EPS15: variants seen among roughly 807,000 people sequenced by gnomAD.
EPS15 encodes epidermal growth factor receptor substrate 15.
In EPS15, 72 loss-of-function variants were observed where a neutral mutation model predicts 113.8. The ratio of observed to expected loss-of-function variants is 0.63; its 90% CI spans 0.52 to 0.77. The LOEUF is 0.77. EPS15 is among the 30% of genes least tolerant of loss of function. EPS15 has a pLI of 0.00. For synonymous variants in EPS15, 344 were observed against 363.4 expected (o/e 0.95, Z 0.61); for missense variants, 1,048 against 1,045.8 (o/e 1.00, Z -0.03).
chr1:51,513,070 AT>A (rs1440655289), intron 1 of EPS15, among the ~76,000 whole-genome samples: 1 of 151,986 alleles, frequency 6.6e-6, no homozygotes, highest in Non-Finnish European at 1.5e-5. Context: ...GCTTCAATCA[AT>A]CCTTCCGCCT....
intron 21 of EPS15, among the ~76,000 whole-genome samples, chr1:51,374,996 CTT>C (rs761941054): frequency 5.5e-5 from 6 of 108,760 alleles, no homozygotes; most frequent in African/African-American, 7.5e-5. Flanking sequence ...TAATATACTT[CTT>C]TTTTTTTTTT....
chr1:51,403,121 G>T (rs1648743096), intron 17 of EPS15, among the ~76,000 whole-genome samples: 1 of 152,046 alleles, frequency 6.6e-6, no homozygotes, highest in South Asian at 2.1e-4. Flanking sequence ...GTTGCCTAGT[G>T]CCTCCAACTC....
At chr1:51,459,470 T>A (rs1440123912) in intron 8 of EPS15, among the ~76,000 whole-genome samples, 1 of 152,058 alleles carries the variant, frequency 6.6e-6, no homozygotes, top group Non-Finnish European at 1.5e-5. Context: ...CACTCCATAC[T>A]GGGCAACAGA....
chr1:51,461,013 G>C, intron 8 of EPS15, 78 bp downstream of exon 8: 3 of 939,514 alleles, frequency 3.2e-6, no homozygotes, highest in Non-Finnish European at 5.2e-6. Context: ...TTTCCTCTAA[G>C]GATGAACTAA....
intron 4 of EPS15, among the ~76,000 whole-genome samples, chr1:51,469,253 A>C (rs889222637): frequency 1.3e-5 from 2 of 152,232 alleles, no homozygotes; most frequent in African/African-American, 4.8e-5. Context: ...CTAAAATGTT[A>C]TGAAAAGTCA....
rs1646174782 is a variant in EPS15, at chr1:51,354,498, GA to G, written c.*2201del. On this transcript the variant is annotated 3_prime_UTR_variant, in exon 25 of 25. Transcript: ENST00000371733. ...AACTTAGAGGTTTGAAACTTTAAGA[GA>G]AAATTCTATAAAGAGAGCTCAAATA... 5.5e-6 allele frequency: 1 copy of G among 183,342 alleles called. No individual in the cohort carries two copies. The highest frequency in any genetic ancestry group is 2.0e-4 in the South Asian group (1 of 5,072). The allele number at this position is 183,342 out of a possible 1,614,324, so 11.4% of individuals were successfully genotyped here. A position where few individuals can be genotyped will look rare whatever the true frequency, so the allele number is the denominator to read the frequency against.
At chr1:51,441,708 G>A (rs1289870771) in intron 11 of EPS15, among the ~76,000 whole-genome samples, 1 of 152,052 alleles carries the variant, frequency 6.6e-6, no homozygotes, top group Non-Finnish European at 1.5e-5. Flanking sequence ...TCTGAAAAGT[G>A]GGTAGTAGGT....
intron 1 of EPS15, among the ~76,000 whole-genome samples, chr1:51,492,878 C>T (rs923072160): frequency 6.6e-6 from 1 of 152,230 alleles, no homozygotes; most frequent in Admixed American, 6.5e-5. Flanking sequence ...GAATAAACTC[C>T]TCTTTGCTCA....
chr1:51,493,082 C>T (rs1338527831), intron 1 of EPS15, among the ~76,000 whole-genome samples: 2 of 152,122 alleles, frequency 1.3e-5, no homozygotes, highest in Admixed American at 1.3e-4. Context: ...AAAAAAAAGG[C>T]CAGGCACAGT....
chr1:51,424,902 CA>C (rs200603476), intron 12 of EPS15, among the ~76,000 whole-genome samples: 6 of 148,116 alleles, frequency 4.1e-5, no homozygotes, highest in African/African-American at 1.2e-4. Flanking sequence ...GACTCTGTCT[CA>C]AAAAAAAATA....
At chr1:51,362,536 G>A (rs976727657) in intron 23 of EPS15, among the ~76,000 whole-genome samples, 4 of 152,122 alleles carry the variant, frequency 2.6e-5, no homozygotes, top group Non-Finnish European at 5.9e-5. Context: ...ACTTAAATGT[G>A]CAAATTAACC....
At chr1:51,509,537 CTATTT>C (rs1644582088) in intron 1 of EPS15, among the ~76,000 whole-genome samples, 1 of 152,102 alleles carries the variant, frequency 6.6e-6, no homozygotes, top group Non-Finnish European at 1.5e-5. Context: ...CAATAAAAGT[CTATTT>C]TATAGGGAGT....
At chr1:51,388,410 A>G (rs1006515092) in intron 21 of EPS15, among the ~76,000 whole-genome samples, 16 of 152,370 alleles carry the variant, frequency 1.1e-4, no homozygotes, top group African/African-American at 3.8e-4. Context: ...AATTAAAAGA[A>G]TTAGAAAAGC....
intron 1 of EPS15, 66 bp downstream of exon 1, chr1:51,519,133 A>C: frequency 8.5e-7 from 1 of 1,171,914 alleles, no homozygotes. Flanking sequence ...GAAGTCGGCG[A>C]AGCTGAGGGC....
At chr1:51,441,044 CA>C (rs1403459602) in intron 11 of EPS15, among the ~76,000 whole-genome samples, 1 of 151,988 alleles carries the variant, frequency 6.6e-6, no homozygotes, top group Non-Finnish European at 1.5e-5. Flanking sequence ...TTTCTTTCAA[CA>C]ATGAAGGTTA....
intron 2 of EPS15, among the ~76,000 whole-genome samples, chr1:51,477,063 G>A (rs543932657): frequency 7.9e-5 from 12 of 152,274 alleles, no homozygotes; most frequent in South Asian, 2.1e-4. Flanking sequence ...GGTAGAATTC[G>A]GTTGTGAATC....
chr1:51,445,298 A>G (rs1652945623), intron 10 of EPS15, among the ~76,000 whole-genome samples: 2 of 152,276 alleles, frequency 1.3e-5, no homozygotes, highest in South Asian at 2.1e-4. Flanking sequence ...TTTCTTACCA[A>G]TTTTCAGAAC....
intron 1 of EPS15, among the ~76,000 whole-genome samples, chr1:51,515,517 G>C (rs1410663170): frequency 1.3e-5 from 2 of 151,580 alleles, no homozygotes; most frequent in African/African-American, 4.8e-5. Context: ...ACTAAAGCAA[G>C]AAAACCAGTA....
At chr1:51,445,588 C>G (rs982827303) in intron 10 of EPS15, among the ~76,000 whole-genome samples, 1 of 151,626 alleles carries the variant, frequency 6.6e-6, no homozygotes, top group African/African-American at 2.4e-5. Context: ...AAGCTTTACA[C>G]AATCACTTGA....
Sources: gnomAD v4.1 joint callset for allele counts (sites outside exome capture counted in the v4.1 genomes callset) on GRCh38, gnomAD v4.1.1 for gene constraint, MANE v1.5 for transcripts, NCBI Gene and HGNC (gene_info 2026-07-23, HGNC 2026-07-21) for gene names.